GABRB1: variants seen among roughly 807,000 people sequenced by gnomAD.
GABRB1 encodes gamma-aminobutyric acid receptor subunit beta-1.
GABRB1 carries 17 observed loss-of-function variants against 51.6 expected under a neutral mutation model. The observed-to-expected ratio is 0.33, with a 90% CI of 0.23 to 0.49. The LOEUF (loss-of-function observed/expected upper bound fraction) is 0.49. GABRB1 is among the 20% of genes least tolerant of loss of function. The pLI, the probability that GABRB1 is intolerant of heterozygous loss-of-function variation, is 0.99. For synonymous variants in GABRB1, 247 were observed against 218.9 expected (o/e 1.13, Z -1.14); for missense variants, 410 against 600.6 (o/e 0.68, Z 3.32).
At chr4:47,333,974 A>C (rs968476245) in intron 5 of GABRB1, among the ~76,000 whole-genome samples, 1 of 150,892 alleles carries the variant, frequency 6.6e-6, no homozygotes, top group African/African-American at 2.4e-5. Flanking sequence ...CAATGTAGAC[A>C]AAAAAATTTC....
At chr4:47,049,131 C>G (rs1019752647) in intron 3 of GABRB1, among the ~76,000 whole-genome samples, 1 of 151,938 alleles carries the variant, frequency 6.6e-6, no homozygotes, top group African/African-American at 2.4e-5. Flanking sequence ...TTCGTTGCTC[C>G]CTCCTTTGGC....
intron 3 of GABRB1, among the ~76,000 whole-genome samples, chr4:47,081,531 T>C (rs1727842614): frequency 6.6e-6 from 1 of 152,176 alleles, no homozygotes; most frequent in African/African-American, 2.4e-5. Flanking sequence ...TCTGCTATCT[T>C]TCAAATATTC....
intron 1 of GABRB1, among the ~76,000 whole-genome samples, chr4:47,001,546 C>T (rs958810108): frequency 6.6e-6 from 1 of 152,178 alleles, no homozygotes; most frequent in Admixed American, 6.5e-5. Flanking sequence ...TTTGGGCGAG[C>T]CTCATCCAAT....
intron 8 of GABRB1, among the ~76,000 whole-genome samples, chr4:47,409,066 C>T (rs1380271196): frequency 1.3e-5 from 2 of 152,164 alleles, no homozygotes; most frequent in Non-Finnish European, 2.9e-5. Flanking sequence ...GGCTGCCATG[C>T]ACTCAAACCT....
intron 1 of GABRB1, among the ~76,000 whole-genome samples, chr4:47,014,400 G>A (rs1724677500): frequency 6.6e-6 from 1 of 152,022 alleles, no homozygotes; most frequent in Admixed American, 6.6e-5. Flanking sequence ...TAACACTATT[G>A]TCATGTTTGT....
chr4:47,047,577 A>T (rs1040147858), intron 3 of GABRB1, among the ~76,000 whole-genome samples: 3 of 152,140 alleles, frequency 2.0e-5, no homozygotes, highest in African/African-American at 7.2e-5. Flanking sequence ...CATTATTTCT[A>T]GTAACATTTA....
intron 3 of GABRB1, among the ~76,000 whole-genome samples, chr4:47,044,106 C>T (rs542241533): frequency 1.3e-5 from 2 of 152,196 alleles, no homozygotes; most frequent in South Asian, 4.1e-4. Context: ...CACTGATCTT[C>T]TGCATTTGAA....
chr4:47,393,891 A>G (rs1728092138), intron 5 of GABRB1, among the ~76,000 whole-genome samples: 1 of 152,252 alleles, frequency 6.6e-6, no homozygotes, highest in Non-Finnish European at 1.5e-5. Flanking sequence ...CATAGCAGGC[A>G]CTACAAGTAG....
chr4:47,113,733 T>C (rs1253603874), intron 3 of GABRB1, among the ~76,000 whole-genome samples: 1 of 152,234 alleles, frequency 6.6e-6, no homozygotes, highest in Non-Finnish European at 1.5e-5. Flanking sequence ...AAATACCTTA[T>C]CTAATTAGCA....
intron 3 of GABRB1, 183 bp downstream of exon 3, chr4:47,032,667 C>G: frequency 1.4e-6 from 1 of 719,314 alleles, no homozygotes; most frequent in Non-Finnish European, 2.6e-6. Context: ...TCGACACACA[C>G]GGGCTACTGC....
intron 4 of GABRB1, among the ~76,000 whole-genome samples, chr4:47,288,077 T>A (rs1723578634): frequency 1.3e-5 from 2 of 152,110 alleles, no homozygotes. Context: ...AACGCATTTG[T>A]TGTTTTAAGC....
chr4:47,357,331 TGAAGA>T (rs1451580559), intron 5 of GABRB1, among the ~76,000 whole-genome samples: 2 of 152,090 alleles, frequency 1.3e-5, no homozygotes, highest in Non-Finnish European at 2.9e-5. Context: ...AAACCAGAAG[TGAAGA>T]GAAGAGTTTC....
At chr4:47,325,078 A>G (rs1219959306) in intron 5 of GABRB1, among the ~76,000 whole-genome samples, 1 of 152,130 alleles carries the variant, frequency 6.6e-6, no homozygotes, top group African/African-American at 2.4e-5. Context: ...CCTCTAACCC[A>G]ATTTCTGCCC....
intron 3 of GABRB1, among the ~76,000 whole-genome samples, chr4:47,159,243 C>G (rs1274093090): frequency 1.3e-5 from 2 of 152,028 alleles, no homozygotes; most frequent in Non-Finnish European, 2.9e-5. Flanking sequence ...GATGGCACCA[C>G]TGCACTCCAG....
chr4:47,064,404 G>A (rs1726973944), intron 3 of GABRB1, among the ~76,000 whole-genome samples: 1 of 152,156 alleles, frequency 6.6e-6, no homozygotes, highest in East Asian at 1.9e-4. Flanking sequence ...GGATGCTGAG[G>A]CCGATGGATC....
chr4:47,110,887 C>A (rs556796878), intron 3 of GABRB1, among the ~76,000 whole-genome samples: 2 of 152,104 alleles, frequency 1.3e-5, no homozygotes, highest in South Asian at 2.1e-4. Context: ...CACCATATGC[C>A]AGGGACTTTT....
intron 3 of GABRB1, among the ~76,000 whole-genome samples, chr4:47,103,938 AT>A (rs1244215523): frequency 1.3e-5 from 2 of 151,830 alleles, no homozygotes; most frequent in Non-Finnish European, 2.9e-5. Context: ...AGATAAAAAA[AT>A]AAAAATAAGA....
In GABRB1 at chr4:47,013,139, C is replaced by CTGTGTGTGTG. The variant is rs59902564; in HGVS notation, c.-19-18759_-19-18750dup. ...GTGCATTAGACCAACAAATTGCATTCTGTGTGTGTGTGTGTGTGTGTGTGT... is the reference window on the plus strand; with the variant it reads ...GTGCATTAGACCAACAAATTGCATTCTGTGTGTGTGTGTGTGTGTGTGTGTGTGTGTGTGT... On this transcript the variant is annotated intron_variant, in intron 1 of 3. Transcript: ENST00000513567. 4.6e-3 allele frequency among the ~76,000 whole-genome samples: 688 copies of CTGTGTGTGTG among 149,108 alleles called. 7 individuals carry two copies. The highest frequency in any genetic ancestry group is 0.016 in the African/African-American group (640 of 40,676).
chr4:47,059,252 G>A (rs1370451675), intron 3 of GABRB1, among the ~76,000 whole-genome samples: 4 of 152,150 alleles, frequency 2.6e-5, no homozygotes, highest in Non-Finnish European at 5.9e-5. Flanking sequence ...GCTGGGATGA[G>A]GGAGCATGCT....
Sources: allele counts gnomAD v4.1 joint callset (sites outside exome capture counted in the v4.1 genomes callset), GRCh38; gene constraint gnomAD v4.1.1; transcripts MANE v1.5; gene names NCBI Gene and HGNC (gene_info 2026-07-23, HGNC 2026-07-21).